Variants in DLG2 observed in about 807,000 individuals in gnomAD.
DLG2 encodes the protein disks large homolog 2.
Under a neutral mutation model 132.5 loss-of-function variants are expected in DLG2, and 45 were observed. The ratio of observed to expected loss-of-function variants is 0.34; its 90% confidence interval spans 0.27 to 0.44. DLG2 has a LOEUF of 0.44. DLG2 is among the 20% of genes least tolerant of loss of function. The pLI is 1.00. For synonymous variants in DLG2, 424 were observed against 419.6 expected, an observed-to-expected ratio of 1.01 and a Z score of -0.13; for missense variants, 1,045 against 1,196.9, an observed-to-expected ratio of 0.87 and a Z score of 1.87.
intron 18 of DLG2, chr11:83,693,650 C>T (rs1435396523): frequency 6.6e-6 from 1 of 152,196 alleles, no homozygotes; most frequent in Non-Finnish European, 1.5e-5. Context: ...ATCCTACACT[C>T]TAAATGTGGA....
chr11:85,026,433 T>G (rs1255912061), intron 6 of DLG2, among the ~76,000 whole-genome samples: 4 of 152,196 alleles, frequency 2.6e-5, no homozygotes, highest in African/African-American at 9.7e-5. Flanking sequence ...TACTATCTAG[T>G]GTTCTGAGAA....
chr11:84,471,972 A>G lies in DLG2; in HGVS notation c.519+62598T>C, dbSNP rs540040874. Among the ~76,000 whole-genome samples, 11 of 151,894 alleles carry G rather than the reference A, an allele frequency of 7.2e-5. No homozygotes were observed. The East Asian group carries it at 1.7e-3, about 24-fold the overall frequency. ...CTGATTTAAAATTAAGGAAAAAAAA[A>G]GAAAGATAAAAGAGGTTTTAAAAAT... On this transcript the variant is annotated intron_variant, in intron 7 of 27. Transcript: ENST00000376104.
chr11:84,076,912 A>G (rs988452715), intron 10 of DLG2, among the ~76,000 whole-genome samples: 3 of 152,212 alleles, frequency 2.0e-5, no homozygotes, highest in African/African-American at 7.2e-5. Flanking sequence ...AGATTTCTAT[A>G]CTTTACTGCA....
chr11:83,481,745 G>A (rs954095757), intron 22 of DLG2, among the ~76,000 whole-genome samples: 3 of 152,082 alleles, frequency 2.0e-5, no homozygotes, highest in Non-Finnish European at 4.4e-5. Context: ...GAAAGTCAAG[G>A]CACATAATCA....
In DLG2 at chr11:83,700,308, A is replaced by C. The variant is rs79274403; in HGVS notation, c.1826-66983T>G. Among the ~76,000 whole-genome samples, 960 of 152,200 alleles carry C rather than the reference A, an allele frequency of 6.3e-3. 8 individuals carry two copies. The highest frequency in any genetic ancestry group is 0.022 in the African/African-American group (909 of 41,530). ...TTCCTTGGCCTTAACTTTCTGCTCA[A>C]GGGCCAAAGAGAGGTGGAGACAAGT... is the stretch of plus-strand genomic sequence containing the variant. On this transcript the variant is annotated intron_variant, in intron 18 of 27. Coordinates refer to ENST00000376104, the MANE Select transcript of DLG2 (RefSeq NM_001142699.3).
At chr11:85,135,617 T>C (rs1348669433) in intron 5 of DLG2, among the ~76,000 whole-genome samples, 2 of 152,238 alleles carry the variant, frequency 1.3e-5, no homozygotes, top group Admixed American at 1.3e-4. Flanking sequence ...GCATAGGTTC[T>C]AGAATACCTT....
intron 11 of DLG2, among the ~76,000 whole-genome samples, chr11:84,038,057 T>C (rs2095918073): frequency 6.6e-6 from 1 of 152,054 alleles, no homozygotes; most frequent in Admixed American, 6.6e-5. Flanking sequence ...TGGTAGATTA[T>C]TTCATCACCC....
chr11:85,285,472 G>T, intron 3 of DLG2, 107 bp from the exon 4 acceptor site: 1 of 993,884 alleles, frequency 1.0e-6, no homozygotes, highest in Non-Finnish European at 1.5e-6. Context: ...CTGATTAAAA[G>T]AACTGCATAA....
Position 85,096,177 on chromosome 11 carries a change from C to CG in DLG2, c.357+15483dup, listed in dbSNP as rs551433609. On this transcript the variant is annotated intron_variant, in intron 6 of 27. Coordinates refer to ENST00000376104, the MANE Select transcript of DLG2 (RefSeq NM_001142699.3). Reference sequence around the variant, plus strand: ...AGTGGACCAATCAGCAGGATGTGGGCGGGGCCAAATAAGGGAATAAAAGCT... The same window carrying CG: ...AGTGGACCAATCAGCAGGATGTGGGCGGGGGCCAAATAAGGGAATAAAAGCT... 9.9e-5 allele frequency among the ~76,000 whole-genome samples: 15 copies of CG among 152,250 alleles called. No homozygotes were observed. In the South Asian group the frequency reaches 3.1e-3, roughly 32 times the overall value.
chr11:84,182,439 G>T (rs1352594988), intron 8 of DLG2, among the ~76,000 whole-genome samples: 1 of 151,790 alleles, frequency 6.6e-6, no homozygotes, highest in African/African-American at 2.4e-5. Context: ...GCTGACGCAG[G>T]AGGATCACGT....
intron 24 of DLG2, among the ~76,000 whole-genome samples, chr11:83,471,424 T>C (rs1336808408): frequency 1.3e-5 from 2 of 152,138 alleles, no homozygotes; most frequent in Non-Finnish European, 2.9e-5. Flanking sequence ...ACATTATTAT[T>C]TTTATTAAAT....
intron 2 of DLG2, among the ~76,000 whole-genome samples, chr11:85,614,798 ATTTTCACAAATGG>A (rs1473276425): frequency 6.6e-6 from 1 of 152,190 alleles, no homozygotes; most frequent in Non-Finnish European, 1.5e-5. Flanking sequence ...TACTATATAC[ATTTTCACAAATGG>A]GGAAATTTTA....
rs909454839 is a variant in DLG2, at chr11:84,048,932, T to C, written c.919+10383A>G. ...TGGTGCAGACAGTCTCGGTACTAAG[T>C]GTTAAGAACAGTGCATTTAATTTTC... is the stretch of plus-strand genomic sequence containing the variant. On this transcript the variant is annotated intron_variant, in intron 11 of 27. Transcript: ENST00000376104. 2.9e-4 allele frequency among the ~76,000 whole-genome samples: 44 copies of C among 151,796 alleles called. 1 individual carries two copies. The highest frequency in any genetic ancestry group is 8.3e-4 in the South Asian group (4 of 4,820).
intron 6 of DLG2, among the ~76,000 whole-genome samples, chr11:85,035,864 G>A (rs1328957707): frequency 3.3e-5 from 5 of 152,072 alleles, no homozygotes; most frequent in South Asian, 2.1e-4. Flanking sequence ...CCACCCATCC[G>A]TCATGCATAT....
At chr11:85,565,896 T>A (rs140168733) in intron 3 of DLG2, among the ~76,000 whole-genome samples, 1,994 of 152,262 alleles carry the variant, frequency 0.013, 51 homozygotes, top group African/African-American at 0.046. Flanking sequence ...GATCATGTGG[T>A]AACTCTATAT....
At chr11:84,475,520 C>G (rs1263105571) in intron 7 of DLG2, among the ~76,000 whole-genome samples, 1 of 152,064 alleles carries the variant, frequency 6.6e-6, no homozygotes, top group Non-Finnish European at 1.5e-5. Context: ...AAATTTTACT[C>G]TTTGCCAGTG....
chr11:84,354,316 G>A (rs1459222030), intron 7 of DLG2, among the ~76,000 whole-genome samples: 1 of 152,038 alleles, frequency 6.6e-6, no homozygotes, highest in South Asian at 2.1e-4. Flanking sequence ...AATTATAAAG[G>A]TGTATTAGAC....
intron 6 of DLG2, among the ~76,000 whole-genome samples, chr11:84,829,289 T>C (rs1226660050): frequency 6.6e-6 from 1 of 151,676 alleles, no homozygotes; most frequent in Non-Finnish European, 1.5e-5. Context: ...GACAAGAAGC[T>C]TTAAGACTCA....
chr11:84,176,449 T>G (rs1566821931), intron 8 of DLG2, among the ~76,000 whole-genome samples: 1 of 151,350 alleles, frequency 6.6e-6, no homozygotes, highest in Non-Finnish European at 1.5e-5. Flanking sequence ...CATACGTATA[T>G]GCACGGGGCA....
Sources: gnomAD v4.1 joint callset for allele counts (sites outside exome capture counted in the v4.1 genomes callset) on GRCh38, gnomAD v4.1.1 for gene constraint, MANE v1.5 for transcripts, NCBI Gene and HGNC (gene_info 2026-07-23, HGNC 2026-07-21) for gene names.